The following CCDC180 variants were observed in gnomAD, a reference collection of about 807,000 sequenced individuals.
CCDC180 encodes coiled-coil domain-containing protein 180.
Under a neutral mutation model 209.2 loss-of-function variants are expected in CCDC180, and 154 were observed. That is an observed-to-expected ratio of 0.74 (90% CI 0.65 to 0.84). The LOEUF (loss-of-function observed/expected upper bound fraction) is 0.84. CCDC180 is among the 40% of genes least tolerant of loss of function. The probability of loss-of-function intolerance (pLI) is 0.00; values close to 1 mark genes in which losing one functional copy is unlikely to be tolerated. For synonymous variants in CCDC180, 778 were observed against 749.1 expected (o/e 1.04, Z -0.63); for missense variants, 1,874 against 1,997.3 (o/e 0.94, Z 1.18).
chr9:97,375,404 A>G, intron 35 of CCDC180, 50 bp from the exon 36 acceptor site: 1 of 1,610,142 alleles, frequency 6.2e-7, no homozygotes, highest in Non-Finnish European at 8.5e-7. Context: ...TAGGTGGATT[A>G]TGAAAGATGA....
intron 31 of CCDC180, chr9:97,369,228 G>C (rs555868919): frequency 2.0e-5 from 3 of 152,156 alleles, no homozygotes; most frequent in African/African-American, 7.2e-5. Flanking sequence ...AAAGGGATGT[G>C]AATGAAAGAG....
In CCDC180 at chr9:97,347,467, A is replaced by G. The variant is rs1392760859; in HGVS notation, c.2652A>G (p.Lys884=). ...AGCCAAGAGCCCAGCAGATTGAAAAAGACATCCACAACGTCAGGGCAGGTA... is the reference window on the plus strand; with the variant it reads ...AGCCAAGAGCCCAGCAGATTGAAAAGGACATCCACAACGTCAGGGCAGGTA... ...LHQPRAQQIE[K]DIHNVRAAEL... Residue 884 remains lysine, a synonymous_variant, in exon 20 of 37, where the codon AAA becomes AAG. Coordinates refer to ENST00000529487, the MANE Select transcript of CCDC180 (RefSeq NM_020893.6). 6.5e-7 allele frequency: 1 copy of G among 1,536,138 alleles called. No homozygotes were observed.
intron 29 of CCDC180, chr9:97,364,413 T>C (rs1391999658): frequency 2.7e-6 from 1 of 368,346 alleles, no homozygotes; most frequent in African/African-American, 2.2e-5. Context: ...TTTTGTAATT[T>C]TTTTCAGTGC....
At chr9:97,375,350 G>A (rs1827222197) in intron 35 of CCDC180, 104 bp from the exon 36 acceptor site, 1 of 1,442,032 alleles carries the variant, frequency 6.9e-7, no homozygotes, top group Non-Finnish European at 9.6e-7. Context: ...TTAAAGCCAT[G>A]ATAATTTTTT....
At chr9:97,339,194 T>C (rs1210929876) in intron 18 of CCDC180, among the ~76,000 whole-genome samples, 1 of 152,248 alleles carries the variant, frequency 6.6e-6, no homozygotes, top group Non-Finnish European at 1.5e-5. Flanking sequence ...AATTTGATCC[T>C]GTCATTATGA....
intron 30 of CCDC180, 136 bp downstream of exon 30, chr9:97,365,875 C>A: frequency 1.4e-6 from 1 of 703,784 alleles, no homozygotes; most frequent in Non-Finnish European, 2.4e-6. Context: ...TCCCCAGCTT[C>A]TGTCACCTCC....
intron 22 of CCDC180, 53 bp from the exon 23 acceptor site, chr9:97,354,516 T>C: frequency 1.9e-6 from 3 of 1,587,378 alleles, no homozygotes; most frequent in East Asian, 2.2e-5. Context: ...TTGGGATAGA[T>C]GAGAACTCTT....
intron 25 of CCDC180, 137 bp from the exon 26 acceptor site, chr9:97,359,845 C>A (rs1826698611): frequency 2.6e-6 from 3 of 1,141,158 alleles, no homozygotes; most frequent in Non-Finnish European, 3.8e-6. Flanking sequence ...CAAGGGCCTT[C>A]CCTGCATGTG....
intron 5 of CCDC180, 103 bp downstream of exon 5, chr9:97,313,448 C>T (rs1429541472): frequency 5.5e-6 from 4 of 730,332 alleles, no homozygotes; most frequent in Non-Finnish European, 9.4e-6. Context: ...GAGAGGTCCT[C>T]AGGGGCTCAC....
chr9:97,343,902 C>G (rs1826168400), intron 19 of CCDC180, among the ~76,000 whole-genome samples: 1 of 152,042 alleles, frequency 6.6e-6, no homozygotes, highest in Non-Finnish European at 1.5e-5. Flanking sequence ...TTTTCTTTTT[C>G]TATTTTAATT....
Position 97,362,332 on chromosome 9 carries a change from T to C in CCDC180, c.3793T>C (p.Cys1265Arg), listed in dbSNP as rs1348237464. ...GGAVCSPPVL[C>R]SCPGPSSPKG... ...TGCTGTGTGCTCACCTCCTGTCCTCTGCTCCTGTCCTGGGCCCTCGTCACC... is the reference window on the plus strand; with the variant it reads ...TGCTGTGTGCTCACCTCCTGTCCTCCGCTCCTGTCCTGGGCCCTCGTCACC... Residue 1265 changes from cysteine (C) to arginine (R), a missense_variant, in exon 28 of 37, where the codon TGC becomes CGC. Transcript: ENST00000529487. 1.2e-6 allele frequency: 2 copies of C among 1,614,160 alleles called. No individual in the cohort carries two copies. Among genetic ancestry groups the C allele is most frequent in the South Asian group, 2.2e-5 (2 of 91,082 alleles).
At chr9:97,350,845 T>C (rs1826403178) in intron 22 of CCDC180, among the ~76,000 whole-genome samples, 1 of 152,180 alleles carries the variant, frequency 6.6e-6, no homozygotes, top group Non-Finnish European at 1.5e-5. Flanking sequence ...ACCACCATCC[T>C]CCTTTCAGTT....
intron 3 of CCDC180, 138 bp downstream of exon 3, chr9:97,309,742 C>G (rs1325095010): frequency 1.4e-5 from 9 of 634,230 alleles, no homozygotes; most frequent in Non-Finnish European, 2.3e-5. Context: ...GAGGCTAATA[C>G]CTACCTTGCA....
At chr9:97,358,811 G>T (rs1281299179) in intron 25 of CCDC180, among the ~76,000 whole-genome samples, 1 of 152,186 alleles carries the variant, frequency 6.6e-6, no homozygotes, top group African/African-American at 2.4e-5. Flanking sequence ...TCTGGAGTGG[G>T]AAGCTTTCTC....
chr9:97,355,019 T>G lies in CCDC180; in HGVS notation c.3264+11T>G. The stretch of plus-strand genomic sequence containing the variant: ...AAAATCAAGTGCCAGGTAGGATAGA[T>G]TCATTCTTCATCAAGGATCTTTATC... On this transcript the variant is annotated intron_variant, in intron 24 of 36. Transcript: ENST00000529487. 1 of 1,542,750 alleles carries G rather than the reference T, an allele frequency of 6.5e-7. No individual in the cohort carries two copies. The highest frequency in any genetic ancestry group is 2.2e-5 in the East Asian group (1 of 44,544).
intron 18 of CCDC180, among the ~76,000 whole-genome samples, chr9:97,341,607 G>A (rs1198709411): frequency 2.0e-5 from 3 of 152,196 alleles, no homozygotes; most frequent in Non-Finnish European, 4.4e-5. Flanking sequence ...CTACTAGGAG[G>A]TGTCTCCAAA....
intron 8 of CCDC180, among the ~76,000 whole-genome samples, chr9:97,315,505 T>C (rs1457559516): frequency 6.6e-6 from 1 of 152,152 alleles, no homozygotes; most frequent in Non-Finnish European, 1.5e-5. Context: ...CTGCTTTCCT[T>C]GGGGTGGAAA....
chr9:97,326,582 T>G lies in CCDC180; in HGVS notation c.1574T>G (p.Leu525Trp). ...CAGGAGGCCCACCTCGATAGGCTCTTGGACCAACTGAGGCAGCAAAGTGAC... is the reference window on the plus strand; with the variant it reads ...CAGGAGGCCCACCTCGATAGGCTCTGGGACCAACTGAGGCAGCAAAGTGAC... ...QVQEAHLDRL[L>W]DQLRQQSDKE... Residue 525 changes from leucine to tryptophan, a missense_variant, in exon 15 of 37, where the codon TTG (leucine) becomes TGG (tryptophan). Leu to Trp is a moderately conservative substitution (Grantham distance 61). Transcript: ENST00000529487. The G allele has an allele frequency of 6.2e-7, 1 of 1,613,790 alleles. No individual in the cohort carries two copies. Among genetic ancestry groups the G allele is most frequent in the Non-Finnish European group, 8.5e-7 (1 of 1,179,704 alleles).
chr9:97,355,046 C>A (rs1312699627), intron 24 of CCDC180, 38 bp downstream of exon 24: 1 of 1,316,162 alleles, frequency 7.6e-7, no homozygotes, highest in South Asian at 1.2e-5. Context: ...ATCTTTATCA[C>A]ACACACCTGC....
Sources: allele counts gnomAD v4.1 joint callset (sites outside exome capture counted in the v4.1 genomes callset), GRCh38; gene constraint gnomAD v4.1.1; transcripts MANE v1.5; gene names NCBI Gene and HGNC (gene_info 2026-07-23, HGNC 2026-07-21).